Variants in PCLO observed in about 807,000 individuals in gnomAD.
PCLO encodes the protein piccolo presynaptic cytomatrix protein.
A neutral mutation model predicts 427.5 loss-of-function variants in PCLO; 82 were observed. The observed-to-expected ratio is 0.19, with a 90% CI of 0.16 to 0.23. The LOEUF is 0.23. Ranked by LOEUF, PCLO falls within the 10% of genes least tolerant of loss-of-function variation. PCLO has a pLI of 1.00. For synonymous variants in PCLO, 2,357 were observed against 2,155.4 expected (o/e 1.09, Z -2.59); for missense variants, 6,239 against 6,115.9 (o/e 1.02, Z -0.67).
chr7:82,955,266 G>C lies in PCLO; in HGVS notation c.5687C>G (p.Thr1896Arg), dbSNP rs1174106411. 1 of 1,613,456 alleles carries C rather than the reference G, an allele frequency of 6.2e-7. No individual in the cohort carries two copies. The highest frequency in any genetic ancestry group is 2.2e-5 in the East Asian group (1 of 44,832). The part of the protein sequence containing the change: ...LPTAVSLYSP[T>R]DEQSIMQKEG... ...TTTCTGCATAATAGATTGCTCATCT[G>C]TTGGTGAGTATAATGAAACAGCTGT... The change falls in exon 5 of 25, where the codon ACA (threonine) becomes AGA (arginine). Residue 1896 changes from threonine (T) to arginine (R), a missense_variant. By Grantham distance (71) the Thr-to-Arg change is moderately conservative. Coordinates refer to ENST00000333891, the MANE Select transcript of PCLO (RefSeq NM_033026.6).
At chr7:82,836,217 T>G (rs1381923231) in intron 15 of PCLO, among the ~76,000 whole-genome samples, 1 of 152,158 alleles carries the variant, frequency 6.6e-6, no homozygotes, top group Non-Finnish European at 1.5e-5. Context: ...TAAAAGATGA[T>G]ATTCCAGGAT....
intron 3 of PCLO, among the ~76,000 whole-genome samples, chr7:82,989,093 G>C (rs1049300360): frequency 6.6e-6 from 1 of 151,888 alleles, no homozygotes; most frequent in Non-Finnish European, 1.5e-5. Flanking sequence ...CAAAGTGGTG[G>C]GATTACAGGC....
chr7:83,013,348 C>T (rs1341227288), intron 3 of PCLO, among the ~76,000 whole-genome samples: 1 of 152,068 alleles, frequency 6.6e-6, no homozygotes, highest in East Asian at 1.9e-4. Context: ...TACATGATAC[C>T]TTATGAATTA....
In PCLO at chr7:82,950,835, G is replaced by C; in HGVS notation, c.9753C>G (p.Ile3251Met). The C allele has an allele frequency of 6.2e-7, 1 of 1,613,628 alleles. No homozygotes were observed. The highest frequency in any genetic ancestry group is 1.3e-5 in the African/African-American group (1 of 75,026). ...EIQRFREQEKIMVQKKLEELQ... is the reference protein window; with the variant it reads ...EIQRFREQEKMMVQKKLEELQ... ...GCTCCTCCAACTTTTTCTGAACCAT[G>C]ATCTTTTCTTGTTCTCGGAACCTTT... is the stretch of plus-strand genomic sequence containing the variant. Residue 3251 changes from isoleucine to methionine, a missense_variant, in exon 6 of 25, where the codon ATC becomes ATG. This residue lies in a region of PCLO where 4,677 missense variants were observed against 4,468.4 expected (regional missense o/e 1.05). Coordinates refer to ENST00000333891, the MANE Select transcript of PCLO (RefSeq NM_033026.6).
intron 3 of PCLO, among the ~76,000 whole-genome samples, chr7:83,034,665 G>A (rs1465756039): frequency 1.3e-5 from 2 of 152,192 alleles, no homozygotes; most frequent in Non-Finnish European, 2.9e-5. Context: ...TGCACATGCT[G>A]TATTGAAATC....
At chr7:83,061,464 T>C (rs936505587) in intron 3 of PCLO, among the ~76,000 whole-genome samples, 2 of 152,134 alleles carry the variant, frequency 1.3e-5, no homozygotes, top group African/African-American at 4.8e-5. Context: ...TTTTGCCACA[T>C]AACATAATAA....
At chr7:82,940,391 G>A (rs6467919) in intron 6 of PCLO, among the ~76,000 whole-genome samples, 80,186 of 151,748 alleles carry the variant, frequency 0.53, 21,576 homozygotes, top group East Asian at 0.8. Flanking sequence ...AGTTTTTGAA[G>A]CTCTTTACAA....
chr7:83,025,201 T>G (rs1219781458), intron 3 of PCLO, among the ~76,000 whole-genome samples: 3 of 151,876 alleles, frequency 2.0e-5, no homozygotes, highest in Non-Finnish European at 4.4e-5. Context: ...AGTTGAAAAC[T>G]TTGAAAAAAA....
At chr7:82,847,608 T>A (rs1016205104) in intron 10 of PCLO, among the ~76,000 whole-genome samples, 2 of 152,160 alleles carry the variant, frequency 1.3e-5, no homozygotes, top group African/African-American at 4.8e-5. Flanking sequence ...AACCCCAATA[T>A]AATTTTCCTG....
chr7:82,916,761 G>A lies in PCLO; in HGVS notation c.11225C>T (p.Thr3742Ile), dbSNP rs1794477644. The A allele has an allele frequency of 1.2e-6, 2 of 1,613,648 alleles. No homozygotes were observed. The highest frequency in any genetic ancestry group is 1.3e-5 in the African/African-American group (1 of 75,006). The change falls in exon 7 of 25, where the codon ACA becomes ATA. Residue 3742 changes from threonine to isoleucine, a missense_variant. This residue lies in a region of PCLO where 4,677 missense variants were observed against 4,468.4 expected (regional missense o/e 1.05). Transcript: ENST00000333891. The part of the protein sequence containing the change: ...ISTGTQSTFS[T>I]MGTVSRRRIC... ...CCTTCTCCTGGAAACTGTGCCCATT[G>A]TGCTGAATGTGGATTGAGTTCCTGT... is the stretch of plus-strand genomic sequence containing the variant.
At chr7:82,767,321 ATATT>A (rs1347043601) in intron 22 of PCLO, among the ~76,000 whole-genome samples, 2 of 152,148 alleles carry the variant, frequency 1.3e-5, no homozygotes, top group African/African-American at 4.8e-5. Flanking sequence ...TCTAGAGAAG[ATATT>A]TATCCTATAA....
chr7:82,797,599 T>C (rs1791253709), intron 22 of PCLO, among the ~76,000 whole-genome samples: 2 of 152,176 alleles, frequency 1.3e-5, no homozygotes, highest in African/African-American at 4.8e-5. Context: ...CTCTCACATA[T>C]ACTTCTAATT....
chr7:83,025,330 G>T (rs375700799), intron 3 of PCLO, among the ~76,000 whole-genome samples: 1 of 151,060 alleles, frequency 6.6e-6, no homozygotes, highest in African/African-American at 2.4e-5. Context: ...GAGCCGATGC[G>T]ATCAACTGGA....
At chr7:82,909,304 T>G (rs901623524) in intron 7 of PCLO, among the ~76,000 whole-genome samples, 34 of 152,056 alleles carry the variant, frequency 2.2e-4, no homozygotes, top group African/African-American at 7.5e-4. Context: ...GAAATTTAGA[T>G]AGTGATAAAA....
chr7:82,877,444 C>G (rs1414308833), intron 10 of PCLO, among the ~76,000 whole-genome samples: 1 of 152,106 alleles, frequency 6.6e-6, no homozygotes, highest in Admixed American at 6.6e-5. Flanking sequence ...CACTCTCATC[C>G]TTAAAAATGG....
At chr7:83,113,026 T>C (rs1033008336) in intron 3 of PCLO, among the ~76,000 whole-genome samples, 1 of 152,218 alleles carries the variant, frequency 6.6e-6, no homozygotes, top group African/African-American at 2.4e-5. Context: ...CAAGTATATC[T>C]TGATACCACA....
At chr7:83,074,413 T>C (rs1381389687) in intron 3 of PCLO, among the ~76,000 whole-genome samples, 1 of 152,086 alleles carries the variant, frequency 6.6e-6, no homozygotes, top group Middle Eastern at 3.2e-3. Context: ...ATGATATAAA[T>C]TACCTTTGAT....
At chr7:83,029,308 G>A (rs1267966807) in intron 3 of PCLO, among the ~76,000 whole-genome samples, 80 of 150,556 alleles carry the variant, frequency 5.3e-4, no homozygotes, top group African/African-American at 1.3e-3. Context: ...AAGGACATGA[G>A]CAGACACTTC....
chr7:82,844,428 A>AC (rs1482627108), intron 13 of PCLO, among the ~76,000 whole-genome samples: 10 of 152,188 alleles, frequency 6.6e-5, no homozygotes, highest in African/African-American at 2.4e-4. Flanking sequence ...TTGCTTCTGA[A>AC]TAAAAGGATT....
Sources: gnomAD v4.1 joint callset for allele counts (sites outside exome capture counted in the v4.1 genomes callset) on GRCh38, gnomAD v4.1.1 for gene constraint, gnomAD v4.1.1 regional missense constraint, MANE v1.5 for transcripts, NCBI Gene and HGNC (gene_info 2026-07-23, HGNC 2026-07-21) for gene names.